Variants in SCML2 observed in about 807,000 individuals in gnomAD.
SCML2 encodes the protein sex comb on midleg-like protein 2.
A neutral mutation model predicts 48.4 loss-of-function variants in SCML2; 6 were observed. The ratio of observed to expected loss-of-function variants is 0.12; its 90% confidence interval spans 0.07 to 0.24. The LOEUF is 0.24. Ranked by LOEUF, SCML2 falls within the 10% of genes least tolerant of loss-of-function variation. The pLI is 1.00. For synonymous variants in SCML2, 181 were observed against 189.5 expected (o/e 0.95, Z 0.37); for missense variants, 377 against 528.2 (o/e 0.71, Z 2.81).
At chrX:18,342,764 A>C (rs1930058600) in intron 1 of SCML2, among the ~76,000 whole-genome samples, 1 of 111,934 alleles carries the variant, frequency 8.9e-6, no homozygotes, top group Admixed American at 9.5e-5. Context: ...TGCATCTAGA[A>C]GCTCTGAACA....
At chrX:18,312,777 A>T (rs193228770) in intron 6 of SCML2, among the ~76,000 whole-genome samples, 1 of 111,593 alleles carries the variant, frequency 9.0e-6, no homozygotes, top group African/African-American at 3.3e-5. Flanking sequence ...TCAGACATCC[A>T]AGTGGAGATG....
chrX:18,294,435 G>T (rs1928324597), intron 7 of SCML2, among the ~76,000 whole-genome samples: 1 of 110,938 alleles, frequency 9.0e-6, no homozygotes, highest in Non-Finnish European at 1.9e-5. Flanking sequence ...GACTCCGCCA[G>T]CCCTAGCCAC....
At chrX:18,308,307 G>A (rs1928829748) in intron 6 of SCML2, among the ~76,000 whole-genome samples, 1 of 89,090 alleles carries the variant, frequency 1.1e-5, no homozygotes, top group African/African-American at 4.2e-5. Flanking sequence ...GGGAGGAAGG[G>A]AGGGAGGAAG....
intron 7 of SCML2, among the ~76,000 whole-genome samples, chrX:18,285,755 G>T (rs1333384439): frequency 9.0e-6 from 1 of 111,004 alleles, no homozygotes; most frequent in African/African-American, 3.3e-5. Context: ...CAATTCTCTT[G>T]ACTAAATATA....
intron 7 of SCML2, among the ~76,000 whole-genome samples, chrX:18,270,890 A>G (rs1927435762): frequency 8.9e-6 from 1 of 112,052 alleles, no homozygotes; most frequent in Non-Finnish European, 1.9e-5. Flanking sequence ...TATGTGAAAT[A>G]TAAAGAAGGA....
chrX:18,338,455 AAAG>A (rs1408042516), intron 1 of SCML2, among the ~76,000 whole-genome samples: 1 of 108,999 alleles, frequency 9.2e-6, no homozygotes, highest in Non-Finnish European at 1.9e-5. Flanking sequence ...AAAAAAAAAA[AAAG>A]AAAAAAAAAA....
chrX:18,331,694 A>C (rs903131691), intron 2 of SCML2, among the ~76,000 whole-genome samples: 1 of 111,966 alleles, frequency 8.9e-6, no homozygotes, highest in Non-Finnish European at 1.9e-5. Flanking sequence ...GTCCACACAC[A>C]TAGCAATGGT....
At chrX:18,245,856 C>T (rs1318681432) in intron 13 of SCML2, among the ~76,000 whole-genome samples, 1 of 111,896 alleles carries the variant, frequency 8.9e-6, no homozygotes, top group Non-Finnish European at 1.9e-5. Flanking sequence ...TCTCCTGCCT[C>T]GGGCTCCCAA....
chrX:18,327,707 A>G (rs1304060768), intron 3 of SCML2, among the ~76,000 whole-genome samples: 1 of 111,838 alleles, frequency 8.9e-6, no homozygotes, highest in East Asian at 2.8e-4. Flanking sequence ...CATATGCAGC[A>G]TTTGCCATTT....
chrX:18,354,647 G>T lies in SCML2; in HGVS notation c.-80C>A, dbSNP rs1312338733. The stretch of plus-strand genomic sequence containing the variant: ...TCTGTCCCACCGATCGCGCGAGCCG[G>T]CACCGAGCTTCACACCGCCGCCGCC... On this transcript the variant is annotated 5_prime_UTR_variant, in exon 1 of 15. Transcript: ENST00000251900. The T allele has an allele frequency of 3.5e-6, 1 of 287,000 alleles. No homozygotes were observed. Among genetic ancestry groups the T allele is most frequent in the Non-Finnish European group, 6.1e-6 (1 of 164,165 alleles). 23.7% of individuals were successfully genotyped at this position (287,000 alleles called of 1,213,427 possible).
intron 7 of SCML2, among the ~76,000 whole-genome samples, chrX:18,278,647 C>A (rs971053620): frequency 1.8e-5 from 2 of 112,502 alleles, no homozygotes; most frequent in Non-Finnish European, 1.9e-5. Flanking sequence ...GCCACCAGCC[C>A]CTCCCAGGCC....
rs1032617190 is a variant in SCML2 at position 18,247,168 on chromosome X, G to T, written c.1571-340C>A. ...CCACCATGCCTGGCTAATCTTTTGG[G>T]TTTTTTTTAGTAGAGACAGGGTTTC... is the stretch of plus-strand genomic sequence containing the variant. On this transcript the variant is annotated intron_variant, in intron 12 of 14. Transcript: ENST00000251900. 4.5e-5 allele frequency among the ~76,000 whole-genome samples: 5 copies of T among 110,328 alleles called. No individual in the cohort carries two copies. In the South Asian group the frequency reaches 1.2e-3, roughly 26 times the overall value.
At chrX:18,269,512 T>A (rs1927375919) in intron 7 of SCML2, among the ~76,000 whole-genome samples, 1 of 111,883 alleles carries the variant, frequency 8.9e-6, no homozygotes, top group African/African-American at 3.3e-5. Context: ...ATTATCCAGT[T>A]TGGGGCAGTT....
chrX:18,282,697 G>A (rs761241021), intron 7 of SCML2, among the ~76,000 whole-genome samples: 1 of 111,211 alleles, frequency 9.0e-6, no homozygotes, highest in Non-Finnish European at 1.9e-5. Flanking sequence ...AAATCTAGAG[G>A]AAATGGATAA....
intron 3 of SCML2, among the ~76,000 whole-genome samples, chrX:18,325,951 C>CA (rs961340266): frequency 3.5e-4 from 39 of 111,819 alleles, no homozygotes; most frequent in African/African-American, 1.1e-3. Flanking sequence ...TTGCAGAAAA[C>CA]AAAAAACAAA....
chrX:18,349,714 T>C (rs892895564), intron 1 of SCML2, among the ~76,000 whole-genome samples: 1 of 111,828 alleles, frequency 8.9e-6, no homozygotes, highest in Non-Finnish European at 1.9e-5. Flanking sequence ...AGAGAATCAC[T>C]TGAACCTCGG....
intron 7 of SCML2, among the ~76,000 whole-genome samples, chrX:18,287,566 C>T (rs1159605709): frequency 1.8e-5 from 2 of 111,945 alleles, no homozygotes; most frequent in Non-Finnish European, 3.8e-5. Flanking sequence ...GTTCTCTAAC[C>T]TGTATTTTGT....
At chrX:18,347,899 C>T (rs776186768) in intron 1 of SCML2, among the ~76,000 whole-genome samples, 1 of 110,388 alleles carries the variant, frequency 9.1e-6, no homozygotes. Flanking sequence ...AAAGAGTCCA[C>T]CCCAACAAAT....
intron 7 of SCML2, among the ~76,000 whole-genome samples, chrX:18,304,034 A>AT (rs1473684523): frequency 9.0e-6 from 1 of 111,487 alleles, no homozygotes; most frequent in Non-Finnish European, 1.9e-5. Flanking sequence ...CACTAAGTTG[A>AT]TTTTTCATTT....
Sources: gnomAD v4.1 joint callset for allele counts (sites outside exome capture counted in the v4.1 genomes callset) on GRCh38, gnomAD v4.1.1 for gene constraint, MANE v1.5 for transcripts, NCBI Gene and HGNC (gene_info 2026-07-23, HGNC 2026-07-21) for gene names.